Variants in HGF observed in about 807,000 individuals in gnomAD.
HGF encodes the protein fibroblast-derived tumor cytotoxic factor.
Under a neutral mutation model 111.6 loss-of-function variants are expected in HGF, and 39 were observed. The ratio of observed to expected loss-of-function variants is 0.35; its 90% CI spans 0.27 to 0.46. HGF has a LOEUF of 0.46. Ranked by LOEUF, HGF falls within the 20% of genes least tolerant of loss-of-function variation. The pLI, the probability that HGF is intolerant of heterozygous loss-of-function variation, is 1.00. For synonymous variants in HGF, 285 were observed against 294.8 expected, an observed-to-expected ratio of 0.97 and a Z score of 0.34; for missense variants, 735 against 910.5, an observed-to-expected ratio of 0.81 and a Z score of 2.48.
At chr7:81,734,812 C>T (rs886722808) in intron 7 of HGF, among the ~76,000 whole-genome samples, 3 of 152,018 alleles carry the variant, frequency 2.0e-5, no homozygotes, top group Non-Finnish European at 2.9e-5. Context: ...CTTACATCTA[C>T]GGTTTTCACC....
intron 4 of HGF, chr7:81,755,748 T>C: frequency 2.3e-6 from 1 of 440,172 alleles, no homozygotes; most frequent in Non-Finnish European, 4.0e-6. Flanking sequence ...AAACCAATTA[T>C]AATTTTTGTT....
At chr7:81,764,228 A>T (rs1210626034) in intron 1 of HGF, among the ~76,000 whole-genome samples, 3 of 152,138 alleles carry the variant, frequency 2.0e-5, no homozygotes, top group African/African-American at 7.2e-5. Context: ...CAGTTGGTTT[A>T]TGAGATGAGC....
intron 4 of HGF, chr7:81,756,880 A>C (rs1342240164): frequency 1.5e-5 from 6 of 412,432 alleles, no homozygotes; most frequent in Non-Finnish European, 2.7e-5. Context: ...CCCCCTGCAC[A>C]GTGCCGTACT....
At chr7:81,769,412 A>G (rs188317639) in intron 1 of HGF, among the ~76,000 whole-genome samples, 11 of 152,338 alleles carry the variant, frequency 7.2e-5, no homozygotes, top group Admixed American at 4.6e-4. Flanking sequence ...AAACCTGTAC[A>G]AAGTCGTAAT....
At position 81,752,248 on chromosome 7, in the gene HGF, C is replaced by T. The variant is rs373660832; in HGVS notation, c.497G>A (p.Ser166Asn). Residue 166 changes from serine (S) to asparagine (N), a missense_variant, in exon 5 of 18, where the codon AGC (serine) becomes AAC (asparagine). Physicochemically the swap from Ser to Asn is conservative, Grantham distance 46. Transcript: ENST00000222390. ...IPHEHSFLPS[S>N]YRGKDLQENY... ...TTCCTGTAGGTCTTTACCCCGATAG[C>T]TCGAAGGCAAAAAGCTAGTTTTAAA... 15 of 1,613,216 alleles carry T rather than the reference C, an allele frequency of 9.3e-6. No homozygotes were observed. The highest frequency in any genetic ancestry group is 1.2e-5 in the Non-Finnish European group (14 of 1,179,422).
intron 9 of HGF, among the ~76,000 whole-genome samples, chr7:81,723,534 T>C (rs1055339687): frequency 6.6e-6 from 1 of 151,488 alleles, no homozygotes; most frequent in African/African-American, 2.4e-5. Context: ...GATATAAATA[T>C]TTAAATTATA....
At chr7:81,739,116 GTCA>G (rs1378697324) in intron 7 of HGF, among the ~76,000 whole-genome samples, 1 of 151,982 alleles carries the variant, frequency 6.6e-6, no homozygotes, top group Non-Finnish European at 1.5e-5. Context: ...TTATATATAT[GTCA>G]TCTACCCAAT....
intron 7 of HGF, among the ~76,000 whole-genome samples, chr7:81,741,298 T>A (rs1036195309): frequency 1.3e-5 from 2 of 152,188 alleles, no homozygotes; most frequent in Non-Finnish European, 2.9e-5. Context: ...TTTTTTAGAA[T>A]TAACACCCTA....
chr7:81,714,703 T>TA (rs60698327), intron 11 of HGF, among the ~76,000 whole-genome samples: 11 of 151,934 alleles, frequency 7.2e-5, no homozygotes, highest in Non-Finnish European at 1.2e-4. Context: ...GTAAGCATGT[T>TA]AAAAAAAAGA....
At chr7:81,740,337 A>T (rs1787963139) in intron 7 of HGF, among the ~76,000 whole-genome samples, 1 of 152,188 alleles carries the variant, frequency 6.6e-6, no homozygotes, top group African/African-American at 2.4e-5. Flanking sequence ...TACGAATAAA[A>T]AATAATAATT....
chr7:81,762,001 A>T (rs750383280), intron 2 of HGF, among the ~76,000 whole-genome samples: 13 of 152,144 alleles, frequency 8.5e-5, no homozygotes, highest in Non-Finnish European at 1.5e-4. Context: ...ACTGGCCTGC[A>T]GCTCACTCCC....
intron 5 of HGF, chr7:81,751,308 T>TA (rs1277230145): frequency 2.0e-6 from 2 of 985,090 alleles, no homozygotes; most frequent in African/African-American, 1.7e-5. Flanking sequence ...TTTGGAAATT[T>TA]AGAGTTTCTG....
chr7:81,733,746 T>C (rs1455422616), intron 7 of HGF, among the ~76,000 whole-genome samples: 1 of 152,174 alleles, frequency 6.6e-6, no homozygotes, highest in Non-Finnish European at 1.5e-5. Flanking sequence ...TCCATGAAGC[T>C]GTTTAATAAA....
chr7:81,752,820 C>A (rs1788568936), intron 4 of HGF, among the ~76,000 whole-genome samples: 1 of 151,956 alleles, frequency 6.6e-6, no homozygotes, highest in Non-Finnish European at 1.5e-5. Flanking sequence ...ACTGTGAGAC[C>A]CCAGTAAGTA....
intron 1 of HGF, chr7:81,763,082 G>A: frequency 3.7e-6 from 2 of 546,758 alleles, no homozygotes; most frequent in South Asian, 4.5e-5. Context: ...AACTTGTCAT[G>A]TAGAGTCACT....
chr7:81,741,431 T>C (rs1787996685), intron 7 of HGF, among the ~76,000 whole-genome samples: 1 of 152,160 alleles, frequency 6.6e-6, no homozygotes, highest in Non-Finnish European at 1.5e-5. Flanking sequence ...GCCAGTGTCA[T>C]AGTCATTCTA....
In HGF at chr7:81,758,738, T is replaced by C. The variant is rs1257152245; in HGVS notation, c.321A>G (p.Gly107=). Residue 107 remains glycine (G), a synonymous_variant, in exon 3 of 18, where the codon GGA becomes GGG. Transcript: ENST00000222390. ...ATTCATGGCCAAATTCTTTTTTCAC[T>C]CCACTTGACATGCTATTGAAGGGGA... The part of the protein sequence containing the change: ...LWFPFNSMSS[G]VKKEFGHEFD... 2 of 1,613,236 alleles carry C rather than the reference T, an allele frequency of 1.2e-6. No individual in the cohort carries two copies. The highest frequency in any genetic ancestry group is 1.7e-6 in the Non-Finnish European group (2 of 1,179,456).
chr7:81,746,479 C>G (rs1450891094), intron 5 of HGF, among the ~76,000 whole-genome samples: 1 of 152,164 alleles, frequency 6.6e-6, no homozygotes, highest in African/African-American at 2.4e-5. Context: ...AGGTATCTCT[C>G]TCTTTTTTTA....
intron 7 of HGF, among the ~76,000 whole-genome samples, chr7:81,730,173 G>C (rs1787599032): frequency 6.6e-6 from 1 of 152,120 alleles, no homozygotes; most frequent in African/African-American, 2.4e-5. Flanking sequence ...TTCTGGCCAG[G>C]TATGGTGGCT....
Sources: gnomAD v4.1 joint callset for allele counts (sites outside exome capture counted in the v4.1 genomes callset) on GRCh38, gnomAD v4.1.1 for gene constraint, MANE v1.5 for transcripts, NCBI Gene and HGNC (gene_info 2026-07-23, HGNC 2026-07-21) for gene names.